Variants in CPNE3 observed in about 807,000 individuals in gnomAD.
CPNE3 encodes copine 3.
A neutral mutation model predicts 63.9 loss-of-function variants in CPNE3; 68 were observed. The ratio of observed to expected loss-of-function variants is 1.06; its 90% CI spans 0.87 to 1.30. The LOEUF is 1.30. Among genes scored for constraint, CPNE3 ranks in the 50% most tolerant of loss-of-function variants. The pLI is 0.00. For missense variants in CPNE3, 665 were observed against 578.1 expected (o/e 1.15, Z -1.54); for synonymous variants, 219 against 197.5 (o/e 1.11, Z -0.91).
At chr8:86,548,250 A>C (rs1303542475) in intron 11 of CPNE3, 51 bp from the exon 12 acceptor site, 2 of 1,598,816 alleles carry the variant, frequency 1.3e-6, no homozygotes, top group African/African-American at 1.3e-5. Flanking sequence ...GACATCAAGC[A>C]CAGGTGTCCC....
chr8:86,544,812 C>G lies in CPNE3; in HGVS notation c.706C>G (p.Leu236Val). 6.3e-7 allele frequency: 1 copy of G among 1,595,138 alleles called. No homozygotes were observed. ...IGTFQTTMTK[L>V]KEASRSSPVE... ...AACATTTCAGACCACCATGACAAAA[C>G]TGAAAGAAGCCTCCAGAAGCTCACC... The change falls in exon 9 of 17, where the codon CTG (leucine) becomes GTG (valine). Residue 236 changes from leucine to valine, a missense_variant. Physicochemically the swap from Leu to Val is conservative, Grantham distance 32. Transcript: ENST00000517490.
rs943344199 is a variant in CPNE3 at position 86,561,420 on chromosome 8, A to T, written c.*3010A>T. 5 of 152,236 alleles carry T rather than the reference A, an allele frequency of 3.3e-5. No individual in the cohort carries two copies. Among genetic ancestry groups the T allele is most frequent in the African/African-American group, 1.2e-4 (5 of 41,472 alleles). The allele number at this position is 152,236 out of a possible 1,614,324, so 9.4% of individuals were successfully genotyped here. On this transcript the variant is annotated 3_prime_UTR_variant, in exon 17 of 17. Transcript: ENST00000517490. The stretch of plus-strand genomic sequence containing the variant: ...AAGTTATTTCTTGATGTGACAGAGT[A>T]GTGTGTTTTCATTTTTATTCTTTAC...
intron 13 of CPNE3, 30 bp from the exon 14 acceptor site, chr8:86,551,153 C>A (rs368848942): frequency 6.2e-7 from 1 of 1,613,564 alleles, no homozygotes; most frequent in Admixed American, 1.7e-5. Context: ...GCAGCCCAGC[C>A]CTCATCAGTC....
At chr8:86,558,138 A>G (rs980916468) in intron 16 of CPNE3, 150 bp from the exon 17 acceptor site, 3 of 596,998 alleles carry the variant, frequency 5.0e-6, no homozygotes, top group East Asian at 2.7e-5. Context: ...AACTCATTCC[A>G]TATTTCATGG....
chr8:86,526,520 G>GT lies in CPNE3; in HGVS notation c.-10-2006dup, dbSNP rs555527797. Among the ~76,000 whole-genome samples, 405 of 144,746 alleles carry GT rather than the reference G, an allele frequency of 2.8e-3. 3 individuals carry two copies. The highest frequency in any genetic ancestry group is 8.2e-3 in the African/African-American group (314 of 38,360). 95.0% of individuals were successfully genotyped at this position (144,746 alleles called of 152,430 possible). On this transcript the variant is annotated intron_variant, in intron 2 of 16. Transcript: ENST00000517490. ...TACATATTTTTTGTTTGTTTGTTTT[G>GT]TTTTTTTTTTGAGATGGGGTCTCAC...
At chr8:86,520,337 C>T (rs985225622) in intron 2 of CPNE3, among the ~76,000 whole-genome samples, 8 of 151,962 alleles carry the variant, frequency 5.3e-5, no homozygotes, top group Non-Finnish European at 1.2e-4. Context: ...AGGCGGATTA[C>T]CTGAAGTCAG....
At chr8:86,523,245 T>C (rs903947459) in intron 2 of CPNE3, among the ~76,000 whole-genome samples, 21 of 152,236 alleles carry the variant, frequency 1.4e-4, no homozygotes, top group Non-Finnish European at 2.6e-4. Context: ...GGTTTTTTAA[T>C]ATCCCCATTT....
Position 86,540,767 on chromosome 8 carries a change from G to C in CPNE3, c.633+433G>C, listed in dbSNP as rs73267618. On this transcript the variant is annotated intron_variant, in intron 8 of 16. Coordinates refer to ENST00000517490, the MANE Select transcript of CPNE3 (RefSeq NM_003909.5). ...CTTAGCAAGGGAGGGCAGTATTGAT[G>C]GCATTTTTCTTCCTTATTTTCAGAA... is the stretch of plus-strand genomic sequence containing the variant. Among the ~76,000 whole-genome samples, 694 of 152,214 alleles carry C rather than the reference G, an allele frequency of 4.6e-3. 5 individuals are homozygous for C. The highest frequency in any genetic ancestry group is 0.015 in the African/African-American group (632 of 41,544).
chr8:86,553,532 G>A (rs956666357), intron 14 of CPNE3, among the ~76,000 whole-genome samples: 4 of 152,184 alleles, frequency 2.6e-5, no homozygotes, highest in African/African-American at 7.2e-5. Context: ...GCAATATGCA[G>A]TACAGGTTTT....
intron 7 of CPNE3, among the ~76,000 whole-genome samples, chr8:86,538,556 T>G (rs143176007): frequency 6.6e-6 from 1 of 152,210 alleles, no homozygotes; most frequent in East Asian, 1.9e-4. Context: ...TGCTTTGTTT[T>G]GTTCAGAATC....
chr8:86,553,589 C>T (rs1586851085), intron 14 of CPNE3, among the ~76,000 whole-genome samples: 1 of 152,202 alleles, frequency 6.6e-6, no homozygotes, highest in East Asian at 1.9e-4. Flanking sequence ...TGTAAGTATA[C>T]TCTATGATGT....
At position 86,559,622 on chromosome 8, in the gene CPNE3, G is replaced by A. The variant is rs928938181; in HGVS notation, c.*1212G>A. Reference sequence around the variant, plus strand: ...TTTTCCAACTGCTGCATTAAGATAGGGTGGATTTTATGTGCTTTTTTTTTT... The same window carrying A: ...TTTTCCAACTGCTGCATTAAGATAGAGTGGATTTTATGTGCTTTTTTTTTT... On this transcript the variant is annotated 3_prime_UTR_variant, in exon 17 of 17. Coordinates refer to ENST00000517490, the MANE Select transcript of CPNE3 (RefSeq NM_003909.5). 1.3e-5 allele frequency: 2 copies of A among 151,618 alleles called. No homozygotes were observed. Among genetic ancestry groups the A allele is most frequent in the African/African-American group, 2.4e-5 (1 of 41,268 alleles). 9.4% of individuals were successfully genotyped at this position (151,618 alleles called of 1,614,324 possible).
At chr8:86,516,980 A>G (rs547384177) in intron 2 of CPNE3, among the ~76,000 whole-genome samples, 1 of 152,298 alleles carries the variant, frequency 6.6e-6, no homozygotes, top group South Asian at 2.1e-4. Flanking sequence ...GCAAGACTCA[A>G]TGTCACTTCC....
chr8:86,537,563 G>T lies in CPNE3; in HGVS notation c.460G>T (p.Asp154Tyr), dbSNP rs764581744. Residue 154 changes from aspartate (D) to tyrosine (Y), a missense_variant and splice_region_variant, in exon 7 of 17, where the codon GAT becomes TAT. Transcript: ENST00000517490. ...TTTTTGTTGTTTGTTTTAAATGTAG[G>T]ATCTATTTGGAAAGTCAGACCCATA... ...EMEARKLDNK[D>Y]LFGKSDPYLE... is the part of the protein sequence containing the mutation. 48 of 1,577,862 alleles carry T rather than the reference G, an allele frequency of 3.0e-5. No homozygotes were observed. Among genetic ancestry groups the T allele is most frequent in the Non-Finnish European group, 3.9e-5 (45 of 1,147,338 alleles).
chr8:86,546,618 GA>G lies in CPNE3; in HGVS notation c.763del (p.Arg255GlyfsTer15), dbSNP rs751554216. 1 of 1,612,590 alleles carries G rather than the reference GA, an allele frequency of 6.2e-7. No homozygotes were observed. Among genetic ancestry groups the G allele is most frequent in the East Asian group, 2.2e-5 (1 of 44,756 alleles). On this transcript the variant is annotated frameshift_variant, in exon 10 of 17. Coordinates refer to ENST00000517490, the MANE Select transcript of CPNE3 (RefSeq NM_003909.5). LOFTEE classifies it high-confidence loss of function. ...AGGTTGAATTTGAATGCATAAATGA[GA>G]AAAAAAGGCAAAAGAAAAAAAGCTA... ...SPVEFECINE[K>X]KRQKKKSYKN...
intron 7 of CPNE3, among the ~76,000 whole-genome samples, chr8:86,539,955 G>A (rs545921848): frequency 8.5e-5 from 13 of 152,090 alleles, no homozygotes; most frequent in South Asian, 4.1e-4. Flanking sequence ...GTGAGCCACC[G>A]CGCCCAGCCA....
intron 1 of CPNE3, 54 bp downstream of exon 1, chr8:86,514,595 C>G (rs10098365): frequency 0.23 from 34,508 of 152,144 alleles, 4,147 homozygotes; most frequent in Non-Finnish European, 0.27. Flanking sequence ...GCCCAGCAAC[C>G]GTACCGCCCG....
At position 86,524,102 on chromosome 8, in the gene CPNE3, T is replaced by C. The variant is rs552113947; in HGVS notation, c.-10-4434T>C. ...AGGCAGGTGAGAGATACAGAAGACC[T>C]GAAGTTAGGGTTGTGACTCTGGGTA... On this transcript the variant is annotated intron_variant, in intron 2 of 16. Coordinates refer to ENST00000517490, the MANE Select transcript of CPNE3 (RefSeq NM_003909.5). Among the ~76,000 whole-genome samples the C allele has an allele frequency of 3.9e-4, 59 of 152,328 alleles. No individual in the cohort carries two copies. In the South Asian group the frequency reaches 0.011, roughly 29 times the overall value.
In CPNE3 at chr8:86,560,772, G is replaced by A. The variant is rs1161721393; in HGVS notation, c.*2362G>A. 6.6e-6 allele frequency: 1 copy of A among 151,992 alleles called. No individual in the cohort carries two copies. The highest frequency in any genetic ancestry group is 6.6e-5 in the Admixed American group (1 of 15,258). 9.4% of individuals were successfully genotyped at this position (151,992 alleles called of 1,614,324 possible). ...GTTTCAGCACTCAACCTCATCATAC[G>A]CTGATTTAATATTGTTTTACATTAA... On this transcript the variant is annotated 3_prime_UTR_variant, in exon 17 of 17. Transcript: ENST00000517490.
Sources: allele counts gnomAD v4.1 joint callset (sites outside exome capture counted in the v4.1 genomes callset), GRCh38; gene constraint gnomAD v4.1.1; transcripts MANE v1.5; gene names NCBI Gene and HGNC (gene_info 2026-07-23, HGNC 2026-07-21).